The following PDE4D variants were observed in gnomAD, a reference collection of about 807,000 sequenced individuals.
PDE4D encodes phosphodiesterase 4D.
A neutral mutation model predicts 87.4 loss-of-function variants in PDE4D; 24 were observed. The ratio of observed to expected loss-of-function variants is 0.27; its 90% confidence interval spans 0.20 to 0.39. The LOEUF (loss-of-function observed/expected upper bound fraction) is 0.39. PDE4D is among the 10% of genes least tolerant of loss of function. PDE4D has a pLI of 1.00. For synonymous variants in PDE4D, 384 were observed against 383.2 expected (o/e 1.00, Z -0.02); for missense variants, 714 against 1,041.0 (o/e 0.69, Z 4.32).
rs998458446 is a variant in PDE4D at position 59,508,715 on chromosome 5, A to G, written c.456-292747T>C. Reference sequence around the variant, plus strand: ...GATAAAAAATTTAGTAAATGAGCAAAAGACAATAAAAATCAACACACATAT... The same window carrying G: ...GATAAAAAATTTAGTAAATGAGCAAGAGACAATAAAAATCAACACACATAT... On this transcript the variant is annotated intron_variant, in intron 1 of 14. Transcript: ENST00000340635. 4.6e-5 allele frequency among the ~76,000 whole-genome samples: 7 copies of G among 152,066 alleles called. 1 individual carries two copies. The highest frequency in any genetic ancestry group is 8.8e-5 in the Non-Finnish European group (6 of 67,932).
chr5:59,339,656 G>A lies in PDE4D; in HGVS notation c.456-123688C>T, dbSNP rs138766770. Among the ~76,000 whole-genome samples the A allele has an allele frequency of 5.9e-5, 9 of 152,240 alleles. No individual in the cohort carries two copies. In the Middle Eastern group the frequency reaches 0.01, roughly 173 times the overall value. On this transcript the variant is annotated intron_variant, in intron 1 of 14. Coordinates refer to ENST00000340635, the MANE Select transcript of PDE4D (RefSeq NM_001104631.2). ...AGGGACCAGTGTTCCATGGGCACAC[G>A]TTCGGTCATGTGGGCTCAGGAGTCA...
At chr5:59,413,578 A>G (rs1793089980) in intron 1 of PDE4D, among the ~76,000 whole-genome samples, 1 of 152,024 alleles carries the variant, frequency 6.6e-6, no homozygotes, top group Non-Finnish European at 1.5e-5. Flanking sequence ...CCCTCCCACA[A>G]TCCCTGAACC....
chr5:60,507,454 C>A (rs1181852694), intron 1 of PDE4D, among the ~76,000 whole-genome samples: 1 of 152,110 alleles, frequency 6.6e-6, no homozygotes, highest in Non-Finnish European at 1.5e-5. Flanking sequence ...CTATAAATAT[C>A]TTTATACATA....
intron 2 of PDE4D, among the ~76,000 whole-genome samples, chr5:60,072,279 T>A (rs1350865902): frequency 6.6e-6 from 1 of 152,124 alleles, no homozygotes; most frequent in Non-Finnish European, 1.5e-5. Context: ...TGATACTGAG[T>A]TTTTTTCATA....
intron 1 of PDE4D, among the ~76,000 whole-genome samples, chr5:60,260,931 C>T (rs973040488): frequency 1.3e-5 from 2 of 152,080 alleles, no homozygotes; most frequent in African/African-American, 2.4e-5. Flanking sequence ...GCCAACCTTA[C>T]AAGACAGCCT....
intron 1 of PDE4D, among the ~76,000 whole-genome samples, chr5:59,521,759 T>C (rs75920109): frequency 0.068 from 10,384 of 152,240 alleles, 397 homozygotes; most frequent in Middle Eastern, 0.13. Context: ...TAAGTTTATG[T>C]CCTCTTCTTA....
At chr5:59,028,390 C>G (rs774419138) in intron 6 of PDE4D, among the ~76,000 whole-genome samples, 1 of 151,390 alleles carries the variant, frequency 6.6e-6, no homozygotes, top group Non-Finnish European at 1.5e-5. Context: ...ACACCCTTCT[C>G]TAACCCTCAC....
intron 2 of PDE4D, among the ~76,000 whole-genome samples, chr5:60,137,782 G>GTT (rs1441490610): frequency 6.6e-6 from 1 of 151,938 alleles, no homozygotes; most frequent in African/African-American, 2.4e-5. Context: ...AAGCTCTTTA[G>GTT]TTTAATTAGA....
chr5:59,895,246 A>C (rs1751505660), upstream of PDE4D, among the ~76,000 whole-genome samples: 1 of 152,220 alleles, frequency 6.6e-6, no homozygotes, highest in Non-Finnish European at 1.5e-5. Flanking sequence ...ATAAGTGCTC[A>C]CTTTGTTTAT....
chr5:59,139,243 T>C (rs1777552794), intron 5 of PDE4D, among the ~76,000 whole-genome samples: 1 of 152,226 alleles, frequency 6.6e-6, no homozygotes, highest in Admixed American at 6.5e-5. Context: ...CCAGGCTTTT[T>C]ATGTTTGGTA....
chr5:59,935,035 T>C (rs1170682523), intron 3 of PDE4D, among the ~76,000 whole-genome samples: 1 of 152,190 alleles, frequency 6.6e-6, no homozygotes, highest in African/African-American at 2.4e-5. Flanking sequence ...TGTGGGCAGA[T>C]GGCTTGGGGC....
At chr5:59,454,572 G>T (rs1447100829) in intron 1 of PDE4D, among the ~76,000 whole-genome samples, 1 of 152,114 alleles carries the variant, frequency 6.6e-6, no homozygotes, top group African/African-American at 2.4e-5. Flanking sequence ...TTTATCAGGA[G>T]CATGAAAACA....
At chr5:59,530,246 GA>G (rs1329623581) in intron 1 of PDE4D, among the ~76,000 whole-genome samples, 1 of 151,764 alleles carries the variant, frequency 6.6e-6, no homozygotes, top group Non-Finnish European at 1.5e-5. Context: ...TCCTTTCTTT[GA>G]AAATTAAAAT....
chr5:59,878,867 C>A (rs2152744067), intron 1 of PDE4D, among the ~76,000 whole-genome samples: 1 of 138,498 alleles, frequency 7.2e-6, no homozygotes, highest in East Asian at 2.1e-4. Flanking sequence ...ACTCCATGGT[C>A]TACATATCTA....
At chr5:59,575,783 G>C (rs1326133179) in intron 1 of PDE4D, among the ~76,000 whole-genome samples, 1 of 152,116 alleles carries the variant, frequency 6.6e-6, no homozygotes, top group African/African-American at 2.4e-5. Context: ...TAAGAACAGA[G>C]AATCTAATGA....
At chr5:59,662,994 ATATATCC>A (rs1021513362) in intron 1 of PDE4D, among the ~76,000 whole-genome samples, 2 of 152,238 alleles carry the variant, frequency 1.3e-5, no homozygotes, top group African/African-American at 4.8e-5. Flanking sequence ...TCCACTTTAA[ATATATCC>A]TAAGTTTAAA....
chr5:59,543,734 C>G (rs113861369), intron 1 of PDE4D, among the ~76,000 whole-genome samples: 310 of 152,148 alleles, frequency 2.0e-3, no homozygotes, highest in African/African-American at 7.2e-3. Flanking sequence ...CACCCCTACA[C>G]GCCAGAACTT....
chr5:59,768,463 T>C (rs769448054), intron 1 of PDE4D: 11 of 1,598,394 alleles, frequency 6.9e-6, no homozygotes, highest in Non-Finnish European at 8.5e-6. Context: ...ATGCGGATTA[T>C]CCACTTCAGG....
At chr5:59,773,972 G>A (rs2152612281) in intron 1 of PDE4D, among the ~76,000 whole-genome samples, 1 of 152,270 alleles carries the variant, frequency 6.6e-6, no homozygotes, top group South Asian at 2.1e-4. Flanking sequence ...GTTAAAAGGA[G>A]TGACCAATAA....
Sources: gnomAD v4.1 joint callset for allele counts (sites outside exome capture counted in the v4.1 genomes callset) on GRCh38, gnomAD v4.1.1 for gene constraint, MANE v1.5 for transcripts, NCBI Gene and HGNC (gene_info 2026-07-23, HGNC 2026-07-21) for gene names.